GFRA1: variants seen among roughly 807,000 people sequenced by gnomAD.
The protein encoded by GFRA1 is GDNF family receptor alpha 1.
Under a neutral mutation model 51.6 loss-of-function variants are expected in GFRA1, and 16 were observed. The observed-to-expected ratio is 0.31, with a 90% CI of 0.21 to 0.47. The LOEUF is 0.47. Ranked by LOEUF, GFRA1 falls within the 20% of genes least tolerant of loss-of-function variation. GFRA1 has a pLI of 1.00. For synonymous variants in GFRA1, 270 were observed against 241.3 expected, an observed-to-expected ratio of 1.12 and a Z score of -1.10; for missense variants, 530 against 594.3, an observed-to-expected ratio of 0.89 and a Z score of 1.13.
chr10:116,158,566 G>C (rs138161025), intron 5 of GFRA1, among the ~76,000 whole-genome samples: 237 of 152,312 alleles, frequency 1.6e-3, no homozygotes, highest in Non-Finnish European at 2.9e-3. Context: ...GTGGAATGTG[G>C]AGTAAGGCCA....
chr10:116,157,646 C>A (rs935043126), intron 5 of GFRA1, among the ~76,000 whole-genome samples: 1 of 152,226 alleles, frequency 6.6e-6, no homozygotes, highest in Non-Finnish European at 1.5e-5. Flanking sequence ...CCTCTCCTCC[C>A]ATGAGACTCC....
chr10:116,206,790 G>GCC (rs1964807339), intron 5 of GFRA1, among the ~76,000 whole-genome samples: 1 of 150,462 alleles, frequency 6.6e-6, no homozygotes, highest in African/African-American at 2.4e-5. Flanking sequence ...CTGCCACGAC[G>GCC]CCTGGCTAAT....
Position 116,062,101 on chromosome 10 carries a change from C to CT in GFRA1, c.*2296dup. On this transcript the variant is annotated 3_prime_UTR_variant, in exon 11 of 11. Transcript: ENST00000355422. ...CTACCCATGCATTCTTCAATGAAGG[C>CT]TGCCCTTGTTAGCGCTGAAACTCCC... is the stretch of plus-strand genomic sequence containing the variant. The CT allele has an allele frequency of 2.5e-6, 1 of 398,574 alleles. No homozygotes were observed. The highest frequency in any genetic ancestry group is 4.4e-6 in the Non-Finnish European group (1 of 226,036). The allele number at this position is 398,574 out of a possible 1,614,324, so 24.7% of individuals were successfully genotyped here. A position where few individuals can be genotyped will look rare whatever the true frequency, so the allele number is the denominator to read the frequency against.
chr10:116,126,715 G>GC (rs1233190204), intron 5 of GFRA1, among the ~76,000 whole-genome samples: 4 of 152,160 alleles, frequency 2.6e-5, no homozygotes, highest in Non-Finnish European at 5.9e-5. Context: ...TCAGGCCTTA[G>GC]CCCCTTCATG....
intron 3 of GFRA1, among the ~76,000 whole-genome samples, chr10:116,270,508 G>A (rs1444592616): frequency 6.6e-6 from 1 of 152,234 alleles, no homozygotes; most frequent in African/African-American, 2.4e-5. Flanking sequence ...TTGGAAAGAA[G>A]TTGTGGGTTC....
intron 5 of GFRA1, among the ~76,000 whole-genome samples, chr10:116,138,383 G>T (rs1958420292): frequency 6.6e-6 from 1 of 151,420 alleles, no homozygotes; most frequent in African/African-American, 2.4e-5. Flanking sequence ...TTTTTTTTAT[G>T]CCCACCTGCA....
chr10:116,115,493 A>T (rs1169606957), intron 6 of GFRA1, among the ~76,000 whole-genome samples: 1 of 151,444 alleles, frequency 6.6e-6, no homozygotes, highest in Non-Finnish European at 1.5e-5. Context: ...AGCCCAGCCC[A>T]GCCCTGCCCT....
intron 5 of GFRA1, among the ~76,000 whole-genome samples, chr10:116,179,009 G>T (rs1791615455): frequency 6.6e-6 from 1 of 152,092 alleles, no homozygotes; most frequent in African/African-American, 2.4e-5. Flanking sequence ...TGCTCCCCCG[G>T]TTACCGACTG....
rs1376364983 is a variant in GFRA1, at chr10:116,272,479, G to A, written c.-246-204C>T. ...GAGGTGAGGGCTGGAGAGGTCTGAA[G>A]AGGGTTCCTAAAGTCCAAGGGGGTG... On this transcript the variant is annotated intron_variant, in intron 1 of 10. Coordinates refer to ENST00000355422, the MANE Select transcript of GFRA1 (RefSeq NM_005264.8). This position sits in a 1 kb window ranked among gnomAD's most constrained non-coding sequence, Gnocchi z 4.4. 1 of 229,506 alleles carries A rather than the reference G, an allele frequency of 4.4e-6. No homozygotes were observed. Among genetic ancestry groups the A allele is most frequent in the African/African-American group, 2.2e-5 (1 of 44,584 alleles). 14.2% of individuals were successfully genotyped at this position (229,506 alleles called of 1,614,324 possible). A position where few individuals can be genotyped will look rare whatever the true frequency, so the allele number is the denominator to read the frequency against.
At chr10:116,154,095 A>G (rs1959158202) in intron 5 of GFRA1, among the ~76,000 whole-genome samples, 1 of 152,178 alleles carries the variant, frequency 6.6e-6, no homozygotes, top group Admixed American at 6.5e-5. Flanking sequence ...AAAAACAAAC[A>G]TGAGTGTGTC....
intron 7 of GFRA1, among the ~76,000 whole-genome samples, chr10:116,095,602 AG>A (rs1258158974): frequency 6.6e-6 from 1 of 152,208 alleles, no homozygotes; most frequent in Admixed American, 6.5e-5. Flanking sequence ...ACAGCAGGGC[AG>A]GTATCCTTCC....
rs1481435359 is a variant in GFRA1 at position 116,173,517 on chromosome 10, T to C, written c.433+38114A>G. Among the ~76,000 whole-genome samples the C allele has an allele frequency of 1.3e-5, 2 of 152,214 alleles. 1 individual carries two copies. The highest frequency in any genetic ancestry group is 2.9e-5 in the Non-Finnish European group (2 of 68,040). On this transcript the variant is annotated intron_variant, in intron 5 of 10. Transcript: ENST00000355422. Reference sequence around the variant, plus strand: ...TGCCTCTGGCATATGGTACACTTTATATTTTAACCCATATATGATGAAGAG... The same window carrying C: ...TGCCTCTGGCATATGGTACACTTTACATTTTAACCCATATATGATGAAGAG...
At chr10:116,172,572 G>A (rs543173350) in intron 5 of GFRA1, among the ~76,000 whole-genome samples, 64 of 152,262 alleles carry the variant, frequency 4.2e-4, no homozygotes, top group African/African-American at 1.5e-3. Flanking sequence ...GAATGGGTTG[G>A]GGGGCAGAGG....
intron 5 of GFRA1, among the ~76,000 whole-genome samples, chr10:116,168,315 T>C (rs1960695381): frequency 6.6e-6 from 1 of 152,120 alleles, no homozygotes; most frequent in Admixed American, 6.5e-5. Context: ...CTGAAAGAGC[T>C]GCCCTCTCCC....
At chr10:116,073,204 T>G (rs772089630) in intron 9 of GFRA1, among the ~76,000 whole-genome samples, 18 of 152,182 alleles carry the variant, frequency 1.2e-4, no homozygotes, top group Non-Finnish European at 2.4e-4. Context: ...GCCTGCAGCT[T>G]TGTACTTGTA....
chr10:116,167,586 T>C (rs1213133079), intron 5 of GFRA1, among the ~76,000 whole-genome samples: 1 of 152,084 alleles, frequency 6.6e-6, no homozygotes, highest in African/African-American at 2.4e-5. Flanking sequence ...TTTTTTTTTT[T>C]TCCTTCCCAG....
intron 4 of GFRA1, among the ~76,000 whole-genome samples, chr10:116,235,257 T>C (rs1319987697): frequency 6.6e-6 from 1 of 152,188 alleles, no homozygotes; most frequent in Non-Finnish European, 1.5e-5. Flanking sequence ...AAATGGCCAC[T>C]GTGGCTTGCC....
chr10:116,183,906 T>G lies in GFRA1; in HGVS notation c.433+27725A>C, dbSNP rs536234806. Among the ~76,000 whole-genome samples, 35 of 152,312 alleles carry G rather than the reference T, an allele frequency of 2.3e-4. No homozygotes were observed. The South Asian group carries it at 7.3e-3, about 32-fold the overall frequency. On this transcript the variant is annotated intron_variant, in intron 5 of 10. Transcript: ENST00000355422. Reference sequence around the variant, plus strand: ...TCACTATCAGGACCTGGGACAGGTCTCCAGTTCCCCAGATGAATCACTCCA... The same window carrying G: ...TCACTATCAGGACCTGGGACAGGTCGCCAGTTCCCCAGATGAATCACTCCA...
intron 5 of GFRA1, among the ~76,000 whole-genome samples, chr10:116,163,546 T>A (rs1410638534): frequency 6.6e-6 from 1 of 152,164 alleles, no homozygotes; most frequent in African/African-American, 2.4e-5. Context: ...CATGAATAAA[T>A]ACAATTTGCT....
Sources: allele counts gnomAD v4.1 joint callset (sites outside exome capture counted in the v4.1 genomes callset), GRCh38; gene constraint gnomAD v4.1.1; non-coding constraint Gnocchi (gnomAD v3.1); transcripts MANE v1.5; gene names NCBI Gene and HGNC (gene_info 2026-07-23, HGNC 2026-07-21).